The following FLT1 variants were observed in gnomAD, a reference collection of about 807,000 sequenced individuals.
The protein encoded by FLT1 is fms related receptor tyrosine kinase 1.
In FLT1, 49 loss-of-function variants were observed where a neutral mutation model predicts 156.3. That is an observed-to-expected ratio of 0.31 (90% CI 0.25 to 0.40). The LOEUF (loss-of-function observed/expected upper bound fraction) is 0.40. Ranked by LOEUF, FLT1 falls within the 10% of genes least tolerant of loss-of-function variation. The pLI is 1.00. For missense variants in FLT1, 1,322 were observed against 1,637.2 expected, an observed-to-expected ratio of 0.81 and a Z score of 3.32; for synonymous variants, 594 against 583.8, an observed-to-expected ratio of 1.02 and a Z score of -0.25.
chr13:28,473,035 T>C (rs759500166), intron 1 of FLT1, among the ~76,000 whole-genome samples: 31 of 151,926 alleles, frequency 2.0e-4, no homozygotes, highest in Middle Eastern at 3.4e-3. Flanking sequence ...AACATGCAAA[T>C]AAAAAACACA....
chr13:28,494,264 T>G (rs533106387), intron 1 of FLT1, among the ~76,000 whole-genome samples: 30 of 152,280 alleles, frequency 2.0e-4, no homozygotes, highest in African/African-American at 7.0e-4. Flanking sequence ...TCCTACACTC[T>G]CGTGACGCGA....
chr13:28,377,296 T>G (rs1469087696), intron 14 of FLT1, among the ~76,000 whole-genome samples: 1 of 152,214 alleles, frequency 6.6e-6, no homozygotes, highest in South Asian at 2.1e-4. Context: ...TCCTCCTTTC[T>G]GTATATACAG....
chr13:28,318,947 T>C (rs1871321600), intron 24 of FLT1, among the ~76,000 whole-genome samples: 1 of 152,198 alleles, frequency 6.6e-6, no homozygotes, highest in Non-Finnish European at 1.5e-5. Context: ...ATATCATGTG[T>C]TCATATCAGA....
chr13:28,396,201 CTATT>C (rs1875033160), intron 12 of FLT1, among the ~76,000 whole-genome samples: 1 of 152,202 alleles, frequency 6.6e-6, no homozygotes, highest in Non-Finnish European at 1.5e-5. Context: ...TTGGACATGT[CTATT>C]TCTTTCTGGA....
chr13:28,402,550 CAT>C (rs10559162), intron 11 of FLT1, among the ~76,000 whole-genome samples: 2,845 of 151,550 alleles, frequency 0.019, 98 homozygotes, highest in African/African-American at 0.065. Flanking sequence ...GGATATGTAC[CAT>C]ATATATAGAT....
At chr13:28,391,536 A>G (rs1874716869) in intron 12 of FLT1, among the ~76,000 whole-genome samples, 1 of 152,228 alleles carries the variant, frequency 6.6e-6, no homozygotes, top group Non-Finnish European at 1.5e-5. Context: ...TGTACATCTT[A>G]CATATATTGA....
At chr13:28,334,433 G>A (rs989230922) in intron 17 of FLT1, among the ~76,000 whole-genome samples, 17 of 152,180 alleles carry the variant, frequency 1.1e-4, no homozygotes, top group Non-Finnish European at 2.4e-4. Context: ...ACCAAGTCCC[G>A]TGTAGTTTCT....
At chr13:28,402,091 G>T (rs114652723) in intron 11 of FLT1, among the ~76,000 whole-genome samples, 3 of 152,018 alleles carry the variant, frequency 2.0e-5, no homozygotes, top group Non-Finnish European at 2.9e-5. Context: ...GCCAAAACTC[G>T]CCAATAAGGA....
Position 28,329,615 on chromosome 13 carries a change from C to A in FLT1, c.2707G>T (p.Gly903Trp). 1 of 1,610,416 alleles carries A rather than the reference C, an allele frequency of 6.2e-7. No individual in the cohort carries two copies. The highest frequency in any genetic ancestry group is 1.3e-5 in the African/African-American group (1 of 74,974). Reference protein sequence around the residue: ...NLLGACTKQGGPLMVIVEYCK... With the variant: ...NLLGACTKQGWPLMVIVEYCK... ...AGCCGGCCCTCCCCTTCTCCATTAC[C>A]TCCTTGCTTGGTGCAGGCTCCCAGC... is the stretch of plus-strand genomic sequence containing the variant. Residue 903 changes from glycine (G) to tryptophan (W), a missense_variant and splice_region_variant, in exon 19 of 30, where the codon GGG becomes TGG. By Grantham distance (184) the Gly-to-Trp change is radical (BLOSUM62 -2). This residue lies in a region of FLT1 where 991 missense variants were observed against 1,254.8 expected (regional missense o/e 0.79). Coordinates refer to ENST00000282397, the MANE Select transcript of FLT1 (RefSeq NM_002019.4).
chr13:28,351,650 A>G (rs1372162162), intron 15 of FLT1, among the ~76,000 whole-genome samples: 1 of 152,214 alleles, frequency 6.6e-6, no homozygotes, highest in East Asian at 1.9e-4. Context: ...CTGTATTCCC[A>G]TTATATTTTA....
intron 3 of FLT1, among the ~76,000 whole-genome samples, chr13:28,465,463 G>A (rs943092088): frequency 6.6e-6 from 1 of 152,146 alleles, no homozygotes; most frequent in African/African-American, 2.4e-5. Flanking sequence ...CTGTTCTGCT[G>A]TCTCCTAAGA....
intron 10 of FLT1, among the ~76,000 whole-genome samples, chr13:28,407,559 A>T (rs1220374713): frequency 6.6e-6 from 1 of 152,190 alleles, no homozygotes; most frequent in Non-Finnish European, 1.5e-5. Context: ...TATACCTAAG[A>T]GAATTAGCAA....
intron 1 of FLT1, among the ~76,000 whole-genome samples, chr13:28,468,952 T>G (rs1196692546): frequency 6.6e-6 from 1 of 152,198 alleles, no homozygotes; most frequent in African/African-American, 2.4e-5. Context: ...AGGCTGAGCC[T>G]CCCTTGAAGC....
chr13:28,390,064 C>A lies in FLT1; in HGVS notation c.1701G>T (p.Pro567=). 7 of 1,614,126 alleles carry A rather than the reference C, an allele frequency of 4.3e-6. No individual in the cohort carries two copies. Among genetic ancestry groups the A allele is most frequent in the Non-Finnish European group, 5.9e-6 (7 of 1,180,014 alleles). Residue 567 remains proline (P), a synonymous_variant, in exon 13 of 30, where the codon CCG becomes CCT. Coordinates refer to ENST00000282397, the MANE Select transcript of FLT1 (RefSeq NM_002019.4). ...ACAGTTTCAGGTCCTCTCCTTCCGTCGGCATTTTTTCCAAGTTAACATGAA... is the reference window on the plus strand; with the variant it reads ...ACAGTTTCAGGTCCTCTCCTTCCGTAGGCATTTTTTCCAAGTTAACATGAA... ...NGFHVNLEKM[P]TEGEDLKLSC...
chr13:28,319,989 G>T (rs375961417), intron 23 of FLT1, among the ~76,000 whole-genome samples: 2 of 152,190 alleles, frequency 1.3e-5, no homozygotes, highest in South Asian at 2.1e-4. Context: ...CACTGAATAG[G>T]GAGAGTGTGC....
At chr13:28,390,422 G>A (rs923955932) in intron 12 of FLT1, among the ~76,000 whole-genome samples, 4 of 151,998 alleles carry the variant, frequency 2.6e-5, no homozygotes, top group Non-Finnish European at 5.9e-5. Context: ...TTGAATCAGG[G>A]TCTTGCTATG....
At chr13:28,477,578 T>C (rs924657587) in intron 1 of FLT1, among the ~76,000 whole-genome samples, 1 of 152,212 alleles carries the variant, frequency 6.6e-6, no homozygotes, top group African/African-American at 2.4e-5. Context: ...TGGTAGACCT[T>C]CGTCTGGTTA....
In FLT1 at chr13:28,427,315, T is replaced by C; in HGVS notation, c.1280A>G (p.Lys427Arg). ...CACGGCCTTTTCGTAAATCTGGGGT[T>C]TCACTGGAAAGGAGATGAAGAACGG... ...NLTATLIVNVKPQIYEKAVSS... is the reference protein window; with the variant it reads ...NLTATLIVNVRPQIYEKAVSS... Residue 427 changes from lysine to arginine, a missense_variant, in exon 10 of 30, where the codon AAA (lysine) becomes AGA (arginine). Physicochemically the swap from Lys to Arg is conservative, Grantham distance 26 (BLOSUM62 2). Around this residue, in one of 3 missense-constraint regions of FLT1, gnomAD observed 991 missense variants for 1,254.8 expected, o/e 0.79. Transcript: ENST00000282397. 1 of 1,613,920 alleles carries C rather than the reference T, an allele frequency of 6.2e-7. No homozygotes were observed. The highest frequency in any genetic ancestry group is 8.5e-7 in the Non-Finnish European group (1 of 1,179,916).
intron 13 of FLT1, chr13:28,388,139 G>A (rs942584267): frequency 1.0e-5 from 11 of 1,057,668 alleles, no homozygotes; most frequent in Non-Finnish European, 1.1e-5. Flanking sequence ...CCAGGCCAAA[G>A]AGCCATAGGT....
Sources: allele counts gnomAD v4.1 joint callset (sites outside exome capture counted in the v4.1 genomes callset), GRCh38; gene constraint gnomAD v4.1.1; regional missense constraint gnomAD v4.1.1; transcripts MANE v1.5; gene names NCBI Gene and HGNC (gene_info 2026-07-23, HGNC 2026-07-21).